ECPAS: variants seen among roughly 807,000 people sequenced by gnomAD.
The protein encoded by ECPAS is proteasome adapter and scaffold protein ECM29.
A neutral mutation model predicts 255.1 loss-of-function variants in ECPAS; 70 were observed. The ratio of observed to expected loss-of-function variants is 0.27; its 90% CI spans 0.23 to 0.33. The LOEUF is 0.33. Among genes scored for constraint, ECPAS ranks in the 10% least tolerant of loss-of-function variants. The pLI is 1.00. For missense variants in ECPAS, 1,817 were observed against 2,206.4 expected, an observed-to-expected ratio of 0.82 and a Z score of 3.54; for synonymous variants, 784 against 775.0, an observed-to-expected ratio of 1.01 and a Z score of -0.19.
intron 24 of ECPAS, among the ~76,000 whole-genome samples, chr9:111,397,703 T>C (rs565498281): frequency 1.4e-4 from 21 of 152,368 alleles, no homozygotes; most frequent in African/African-American, 5.1e-4. Flanking sequence ...TTAACATTTA[T>C]TTAACAATTA....
At chr9:111,450,154 C>T (rs1224874334) in intron 3 of ECPAS, among the ~76,000 whole-genome samples, 5 of 152,138 alleles carry the variant, frequency 3.3e-5, no homozygotes, top group African/African-American at 1.2e-4. Context: ...ATCCCCAAGA[C>T]CTGGCATATA....
chr9:111,430,544 T>A lies in ECPAS; in HGVS notation c.930+3A>T. 1 of 1,564,262 alleles carries A rather than the reference T, an allele frequency of 6.4e-7. No homozygotes were observed. Among genetic ancestry groups the A allele is most frequent in the East Asian group, 2.3e-5 (1 of 44,364 alleles). Reference sequence around the variant, plus strand: ...GATGTGAGAATAAATCAAAACAACCTACCTCTTTTGTCTTCAGTGGTATAT... The same window carrying A: ...GATGTGAGAATAAATCAAAACAACCAACCTCTTTTGTCTTCAGTGGTATAT... On this transcript the variant is annotated splice_donor_region_variant and intron_variant, in intron 9 of 49. Transcript: ENST00000684092.
chr9:111,478,225 T>C (rs1422824012), intron 1 of ECPAS, among the ~76,000 whole-genome samples: 2 of 151,368 alleles, frequency 1.3e-5, no homozygotes, highest in Non-Finnish European at 2.9e-5. Flanking sequence ...TGCTCAATGG[T>C]ATTACTCAAA....
At chr9:111,398,292 G>A (rs965908975) in intron 24 of ECPAS, among the ~76,000 whole-genome samples, 2 of 152,138 alleles carry the variant, frequency 1.3e-5, no homozygotes, top group African/African-American at 4.8e-5. Context: ...CTGAAAAAAG[G>A]TATTTCAACA....
At chr9:111,470,746 CCACACACACACACACACACACACA>C (rs57091815) in intron 2 of ECPAS, among the ~76,000 whole-genome samples, 1 of 124,494 alleles carries the variant, frequency 8.0e-6, no homozygotes, top group African/African-American at 3.2e-5. Context: ...TCTCCTCCCG[CCACACACACACACACACACACACA>C]CACACACACA....
chr9:111,437,194 GTCC>G (rs1391552682), intron 6 of ECPAS, 86 bp from the exon 7 acceptor site: 2 of 1,052,134 alleles, frequency 1.9e-6, no homozygotes, highest in Non-Finnish European at 2.6e-6. Flanking sequence ...ATCATATACT[GTCC>G]TCCTACTGTA....
intron 13 of ECPAS, among the ~76,000 whole-genome samples, chr9:111,422,655 A>G (rs186623671): frequency 3.0e-4 from 45 of 152,272 alleles, no homozygotes; most frequent in African/African-American, 1.1e-3. Flanking sequence ...AGGCCAACAC[A>G]AAACCTGCAC....
At chr9:111,428,501 A>G (rs1174815560) in intron 9 of ECPAS, among the ~76,000 whole-genome samples, 2 of 152,204 alleles carry the variant, frequency 1.3e-5, no homozygotes, top group African/African-American at 2.4e-5. Context: ...TACATTGTCT[A>G]CTAATCTCTT....
intron 24 of ECPAS, among the ~76,000 whole-genome samples, chr9:111,399,462 C>A (rs1564518130): frequency 1.3e-5 from 2 of 152,120 alleles, no homozygotes; most frequent in Admixed American, 1.3e-4. Flanking sequence ...GAGTGTGATA[C>A]TTCACATTGC....
chr9:111,416,237 T>C, intron 18 of ECPAS, 35 bp downstream of exon 18: 1 of 1,527,398 alleles, frequency 6.5e-7, no homozygotes, highest in Non-Finnish European at 9.1e-7. Context: ...TTAGAACACT[T>C]ACAAAAAGTA....
chr9:111,393,318 T>C (rs1350751357), intron 27 of ECPAS, among the ~76,000 whole-genome samples: 1 of 152,208 alleles, frequency 6.6e-6, no homozygotes, highest in Non-Finnish European at 1.5e-5. Flanking sequence ...TTAACACATA[T>C]ACGTTCACTC....
chr9:111,407,689 T>C (rs987925146), intron 24 of ECPAS, among the ~76,000 whole-genome samples: 18 of 152,094 alleles, frequency 1.2e-4, no homozygotes, highest in African/African-American at 4.1e-4. Flanking sequence ...CAGAAACCTC[T>C]CCTCCAAAGA....
Position 111,371,801 on chromosome 9 carries a change from C to T in ECPAS, c.4557G>A (p.Leu1519=), listed in dbSNP as rs748321145. ...TCTGGGTAATAGTAATTAACTCCTG[C>T]AGGTATAATCGAATGCCACCAAAGG... ...PGSFGGIRLY[L]QELITITQKA... is the part of the protein sequence containing the mutation. The change falls in exon 43 of 50, where the codon CTG becomes CTA. Residue 1519 remains leucine (L), a synonymous_variant. Transcript: ENST00000684092. 1 of 1,613,184 alleles carries T rather than the reference C, an allele frequency of 6.2e-7. No individual in the cohort carries two copies. The highest frequency in any genetic ancestry group is 8.5e-7 in the Non-Finnish European group (1 of 1,179,250).
chr9:111,451,260 G>C (rs562965155), intron 3 of ECPAS, among the ~76,000 whole-genome samples, 165 bp downstream of exon 3: 1 of 152,230 alleles, frequency 6.6e-6, no homozygotes, highest in Non-Finnish European at 1.5e-5. Context: ...GGATACAAGA[G>C]CTACTTTTAA....
rs2098124459 is a variant in ECPAS at position 111,369,267 on chromosome 9, G to T, written c.4975-94C>A. ...TATCAGGGTACCAACCAAGGCAGGA[G>T]ATATTAACCAAGAGTTAAATGATAA... On this transcript the variant is annotated intron_variant, in intron 45 of 49. Transcript: ENST00000684092. 4 of 874,380 alleles carry T rather than the reference G, an allele frequency of 4.6e-6. No individual in the cohort carries two copies. In the African/African-American group the frequency reaches 5.3e-5, roughly 12 times the overall value. The allele number at this position is 874,380 out of a possible 1,614,324, so 54.2% of individuals were successfully genotyped here.
chr9:111,408,960 G>T (rs919294919), intron 23 of ECPAS, among the ~76,000 whole-genome samples: 1 of 152,076 alleles, frequency 6.6e-6, no homozygotes, highest in African/African-American at 2.4e-5. Context: ...GTGGGTTCTG[G>T]GCCCAGAGGA....
chr9:111,370,906 T>G, intron 43 of ECPAS, 141 bp from the exon 44 acceptor site: 1 of 757,572 alleles, frequency 1.3e-6, no homozygotes, highest in Non-Finnish European at 2.2e-6. Context: ...CTTTAATGCA[T>G]AATTTTAAGC....
At chr9:111,455,260 A>G (rs558756750) in intron 2 of ECPAS, among the ~76,000 whole-genome samples, 1 of 152,296 alleles carries the variant, frequency 6.6e-6, no homozygotes, top group African/African-American at 2.4e-5. Flanking sequence ...CAAGGAGGGC[A>G]GATCATGAGG....
In ECPAS at chr9:111,430,534, C is replaced by A; in HGVS notation, c.930+13G>T. On this transcript the variant is annotated intron_variant, in intron 9 of 49. Transcript: ENST00000684092. Reference sequence around the variant, plus strand: ...TTTTTACGCTGATGTGAGAATAAATCAAAACAACCTACCTCTTTTGTCTTC... The same window carrying A: ...TTTTTACGCTGATGTGAGAATAAATAAAAACAACCTACCTCTTTTGTCTTC... 2 of 1,537,720 alleles carry A rather than the reference C, an allele frequency of 1.3e-6. No individual in the cohort carries two copies. Among genetic ancestry groups the A allele is most frequent in the South Asian group, 2.3e-5 (2 of 86,258 alleles).
Sources: gnomAD v4.1 joint callset for allele counts (sites outside exome capture counted in the v4.1 genomes callset) on GRCh38, gnomAD v4.1.1 for gene constraint, MANE v1.5 for transcripts, NCBI Gene and HGNC (gene_info 2026-07-23, HGNC 2026-07-21) for gene names.